The following SPATA31E1 variants were observed in gnomAD, a reference collection of about 807,000 sequenced individuals.
The protein encoded by SPATA31E1 is spermatogenesis-associated protein 31E1.
Under a neutral mutation model 12.9 loss-of-function variants are expected in SPATA31E1, and 7 were observed. The observed-to-expected ratio is 0.54, with a 90% CI of 0.31 to 1.02. The LOEUF (loss-of-function observed/expected upper bound fraction) is 1.02, where lower values mean the gene tolerates loss of function less well. SPATA31E1 is among the 50% of genes least tolerant of loss of function. The pLI is 0.05. For missense variants in SPATA31E1, 1,961 were observed against 1,799.8 expected (o/e 1.09, Z -1.62); for synonymous variants, 771 against 719.0 (o/e 1.07, Z -1.16).
intron 2 of SPATA31E1, among the ~76,000 whole-genome samples, 169 bp downstream of exon 2, chr9:87,884,215 G>C (rs1332794534): frequency 6.6e-6 from 1 of 152,212 alleles, no homozygotes; most frequent in Non-Finnish European, 1.5e-5. Flanking sequence ...GACCGGTATT[G>C]CCCATAAGGG....
chr9:87,887,117 C>T lies in SPATA31E1; in HGVS notation c.2630C>T (p.Pro877Leu), dbSNP rs1013375690. ...CCCTTCCCACAATCCACCTTTACCC[C>T]CTGGGCCTCCTGGGTATCTCGGGTT... is the stretch of plus-strand genomic sequence containing the variant. ...APPFPQSTFT[P>L]WASWVSRVES... The change falls in exon 4 of 4, where the codon CCC (proline) becomes CTC (leucine). Residue 877 changes from proline to leucine, a missense_variant. Physicochemically the swap from Pro to Leu is moderately conservative, Grantham distance 98. Transcript: ENST00000325643. 3 of 1,613,994 alleles carry T rather than the reference C, an allele frequency of 1.9e-6. No homozygotes were observed. The highest frequency in any genetic ancestry group is 4.5e-5 in the East Asian group (2 of 44,880).
intron 2 of SPATA31E1, 74 bp downstream of exon 2, chr9:87,884,120 G>A (rs542298027): frequency 6.6e-7 from 1 of 1,513,324 alleles, no homozygotes; most frequent in East Asian, 2.5e-5. Context: ...GTCATTTGCA[G>A]AGGCCTGAGA....
chr9:87,883,846 G>T (rs1242362310), intron 1 of SPATA31E1, 146 bp from the exon 2 acceptor site: 2 of 855,474 alleles, frequency 2.3e-6, no homozygotes, highest in East Asian at 2.7e-5. Context: ...TTTCATTCAC[G>T]GTAAACATGA....
rs148410424 is a variant in SPATA31E1, at chr9:87,886,792, C to G, written c.2305C>G (p.Leu769Val). 445 of 1,614,118 alleles carry G rather than the reference C, an allele frequency of 2.8e-4. 3 individuals carry two copies. In the African/African-American group the frequency reaches 5.3e-3, roughly 19 times the overall value. The change falls in exon 4 of 4, where the codon CTG (leucine) becomes GTG (valine). Residue 769 changes from leucine to valine, a missense_variant. By Grantham distance (32) the Leu-to-Val change is conservative. Coordinates refer to ENST00000325643, the MANE Select transcript of SPATA31E1 (RefSeq NM_178828.5). ...TCTGGAAAACAAGCTGCAAATCCAT[C>G]TGGCCAGGAAGGTAGGGGAGATCAA... Reference protein sequence around the residue: ...EHLENKLQIHLARKVGEIKEG... With the variant: ...EHLENKLQIHVARKVGEIKEG...
Position 87,888,037 on chromosome 9 carries a change from G to C in SPATA31E1, c.3550G>C (p.Gly1184Arg), listed in dbSNP as rs571025361. 3 of 1,610,036 alleles carry C rather than the reference G, an allele frequency of 1.9e-6. No homozygotes were observed. The highest frequency in any genetic ancestry group is 2.2e-5 in the East Asian group (1 of 44,708). Reference sequence around the variant, plus strand: ...GGACAGTCCAGGGCAGCAGGAGCCTGGGAGCCCAAAAGCAAAGGCCCCACA... The same window carrying C: ...GGACAGTCCAGGGCAGCAGGAGCCTCGGAGCCCAAAAGCAAAGGCCCCACA... The part of the protein sequence containing the change: ...GGDSPGQQEP[G>R]SPKAKAPQKS... The change falls in exon 4 of 4, where the codon GGG (glycine) becomes CGG (arginine). Residue 1184 changes from glycine (G) to arginine (R), a missense_variant. By Grantham distance (125) the Gly-to-Arg change is moderately radical. Coordinates refer to ENST00000325643, the MANE Select transcript of SPATA31E1 (RefSeq NM_178828.5).
At position 87,884,651 on chromosome 9, in the gene SPATA31E1, G is replaced by A; in HGVS notation, c.425G>A (p.Ser142Asn). ...ETRDLNYLLE[S>N]HLRKLAGEGS... ...CGGGACCTGAACTACCTTCTGGAAA[G>A]GTGAGGAGCTTCCCCCTTCTGTCCC... The change falls in exon 3 of 4, where the codon AGC (serine) becomes AAC (asparagine). Residue 142 changes from serine to asparagine, a missense_variant and splice_region_variant. Transcript: ENST00000325643. 4 of 1,614,184 alleles carry A rather than the reference G, an allele frequency of 2.5e-6. No individual in the cohort carries two copies. The highest frequency in any genetic ancestry group is 1.3e-5 in the African/African-American group (1 of 75,058).
In SPATA31E1 at chr9:87,885,804, T is replaced by G. The variant is rs1244002988; in HGVS notation, c.1317T>G (p.Leu439=). The G allele has an allele frequency of 6.2e-7, 1 of 1,613,766 alleles. No individual in the cohort carries two copies. The highest frequency in any genetic ancestry group is 8.5e-7 in the Non-Finnish European group (1 of 1,180,016). Residue 439 remains leucine (L), a synonymous_variant, in exon 4 of 4, where the codon CTT becomes CTG. Transcript: ENST00000325643. ...ACTTACAGCAGAAACGCAGCCAGCT[T>G]TTCTGGGACCTCCCCTCTCTCAATA... ...GNHLQQKRSQ[L]FWDLPSLNSE... is the part of the protein sequence containing the mutation.
chr9:87,888,109 A>T lies in SPATA31E1; in HGVS notation c.3622A>T (p.Arg1208Trp). The T allele has an allele frequency of 6.2e-7, 1 of 1,604,458 alleles. No homozygotes were observed. Among genetic ancestry groups the T allele is most frequent in the East Asian group, 2.3e-5 (1 of 44,414 alleles). The change falls in exon 4 of 4, where the codon AGG (arginine) becomes TGG (tryptophan). Residue 1208 changes from arginine to tryptophan, a missense_variant. Arg to Trp is a moderately radical substitution (Grantham distance 101, BLOSUM62 -3). Coordinates refer to ENST00000325643, the MANE Select transcript of SPATA31E1 (RefSeq NM_178828.5). Reference sequence around the variant, plus strand: ...CTGTGCGGACAAGGGCGAGGCCCACAGGAGGCCCAGAACAGGGGAGCAGGG... The same window carrying T: ...CTGTGCGGACAAGGGCGAGGCCCACTGGAGGCCCAGAACAGGGGAGCAGGG... The part of the protein sequence containing the change: ...LGCADKGEAH[R>W]RPRTGEQGHR...
chr9:87,885,169 T>TG lies in SPATA31E1; in HGVS notation c.682_683insG (p.Leu228CysfsTer133), dbSNP rs1388355218. The TG allele has an allele frequency of 6.2e-7, 1 of 1,613,964 alleles. No individual in the cohort carries two copies. Among genetic ancestry groups the TG allele is most frequent in the African/African-American group, 1.3e-5 (1 of 74,898 alleles). ...GAGTGCCTCCGGGCCACCAGAGCCCTTGCTTCCCCTAAAATGCCCTGCAAC... is the reference window on the plus strand; with the variant it reads ...GAGTGCCTCCGGGCCACCAGAGCCCTGTGCTTCCCCTAAAATGCCCTGCAAC... On this transcript the variant is annotated frameshift_variant, in exon 4 of 4. Coordinates refer to ENST00000325643, the MANE Select transcript of SPATA31E1 (RefSeq NM_178828.5). LOFTEE classifies it low-confidence loss of function (END_TRUNC).
chr9:87,883,128 C>T lies in SPATA31E1; in HGVS notation c.237C>T (p.Leu79=). The change falls in exon 1 of 4, where the codon CTC becomes CTT. Residue 79 remains leucine (L), a synonymous_variant. Transcript: ENST00000325643. Reference sequence around the variant, plus strand: ...CCAGTGTGTGTGGCCTAGTGCTCCTCTTCCTATTGCTCCTCTACGTCCACA... The same window carrying T: ...CCAGTGTGTGTGGCCTAGTGCTCCTTTTCCTATTGCTCCTCTACGTCCACA... The part of the protein sequence containing the change: ...ILTSVCGLVL[L]FLLLLYVHSD... 6.2e-7 allele frequency: 1 copy of T among 1,601,028 alleles called. No individual in the cohort carries two copies. Among genetic ancestry groups the T allele is most frequent in the Non-Finnish European group, 8.5e-7 (1 of 1,173,306 alleles).
In SPATA31E1 at chr9:87,883,717, C is replaced by T. The variant is rs147282303; in HGVS notation, c.310-275C>T. Among the ~76,000 whole-genome samples, 23 of 152,328 alleles carry T rather than the reference C, an allele frequency of 1.5e-4. No homozygotes were observed. In the East Asian group the frequency reaches 1.5e-3, roughly 10 times the overall value. On this transcript the variant is annotated intron_variant, in intron 1 of 3. Coordinates refer to ENST00000325643, the MANE Select transcript of SPATA31E1 (RefSeq NM_178828.5). ...CAGAATCCTACTGGCAGCTCAGAGG[C>T]GCCTGTGGGCCTGAGCCTAGGTGTT...
chr9:87,883,915 C>A, intron 1 of SPATA31E1, 77 bp from the exon 2 acceptor site: 1 of 1,507,674 alleles, frequency 6.6e-7, no homozygotes, highest in Non-Finnish European at 9.0e-7. Flanking sequence ...CCCTCATGAG[C>A]ACTGCGTGTG....
At chr9:87,883,866 A>G in intron 1 of SPATA31E1, 126 bp from the exon 2 acceptor site, 1 of 1,013,456 alleles carries the variant, frequency 9.9e-7, no homozygotes, top group Non-Finnish European at 1.4e-6. Flanking sequence ...AGTAAAAAGC[A>G]CACACAGAGC....
rs1452565927 is a variant in SPATA31E1 at position 87,885,144 on chromosome 9, G to A, written c.657G>A (p.Leu219=). Residue 219 remains leucine, a synonymous_variant, in exon 4 of 4, where the codon CTG becomes CTA. Transcript: ENST00000325643. ...AGCCTTTTGGACCACACTCAACCCTGAGTGCCTCCGGGCCACCAGAGCCCT... is the reference window on the plus strand; with the variant it reads ...AGCCTTTTGGACCACACTCAACCCTAAGTGCCTCCGGGCCACCAGAGCCCT... ...FSEPFGPHST[L]SASGPPEPLL... The A allele has an allele frequency of 7.4e-6, 12 of 1,614,098 alleles. No individual in the cohort carries two copies. The highest frequency in any genetic ancestry group is 8.5e-6 in the Non-Finnish European group (10 of 1,179,996).
At position 87,888,077 on chromosome 9, in the gene SPATA31E1, C is replaced by T. The variant is rs35095477; in HGVS notation, c.3590C>T (p.Thr1197Met). The T allele has an allele frequency of 0.016, 26,253 of 1,602,086 alleles. 275 individuals carry two copies. The highest frequency in any genetic ancestry group is 0.019 in the Non-Finnish European group (22,510 of 1,174,260). The stretch of plus-strand genomic sequence containing the variant: ...AAGGCCCCACAGAAGAGTCAGAAGA[C>T]GCTGGGCTGTGCGGACAAGGGCGAG... Reference protein sequence around the residue: ...KAKAPQKSQKTLGCADKGEAH... With the variant: ...KAKAPQKSQKMLGCADKGEAH... Residue 1197 changes from threonine (T) to methionine (M), a missense_variant, in exon 4 of 4, where the codon ACG becomes ATG. Thr to Met is a moderately conservative substitution (Grantham distance 81). Transcript: ENST00000325643.
At position 87,885,564 on chromosome 9, in the gene SPATA31E1, T is replaced by G; in HGVS notation, c.1077T>G (p.Pro359=). The G allele has an allele frequency of 6.2e-7, 1 of 1,614,108 alleles. No individual in the cohort carries two copies. The highest frequency in any genetic ancestry group is 8.5e-7 in the Non-Finnish European group (1 of 1,180,034). ...TAGGTGGCTGCACATTCATCCACCC[T>G]GACGTGCAGAAGCTGCTGGAGACCC... ...MEVGGCTFIH[P]DVQKLLETLI... Residue 359 remains proline (P), a synonymous_variant, in exon 4 of 4, where the codon CCT becomes CCG. Transcript: ENST00000325643.
In SPATA31E1 at chr9:87,884,624, C is replaced by A; in HGVS notation, c.398C>A (p.Thr133Asn). ...ATCCTCCTGAGGGAGCTGGAGGAGA[C>A]TCGGGACCTGAACTACCTTCTGGAA... Reference protein sequence around the residue: ...CRILLRELEETRDLNYLLESH... With the variant: ...CRILLRELEENRDLNYLLESH... Residue 133 changes from threonine (T) to asparagine (N), a missense_variant, in exon 3 of 4, where the codon ACT (threonine) becomes AAT (asparagine). Transcript: ENST00000325643. 1 of 1,614,128 alleles carries A rather than the reference C, an allele frequency of 6.2e-7. No homozygotes were observed. The highest frequency in any genetic ancestry group is 8.5e-7 in the Non-Finnish European group (1 of 1,180,000).
rs1422291898 is a variant in SPATA31E1, at chr9:87,887,604, G to T, written c.3117G>T (p.Gly1039=). 1 of 1,614,158 alleles carries T rather than the reference G, an allele frequency of 6.2e-7. No individual in the cohort carries two copies. The highest frequency in any genetic ancestry group is 1.1e-5 in the South Asian group (1 of 91,088). The change falls in exon 4 of 4, where the codon GGG becomes GGT. Residue 1039 remains glycine, a synonymous_variant. Transcript: ENST00000325643. ...ATGCCCTGCAGGCACTGAAAGTGGG[G>T]GAGAAGCCCCCAACTTGGGAAGTCA... ...AEDALQALKV[G]EKPPTWEVTL...
Position 87,886,640 on chromosome 9 carries a change from G to A in SPATA31E1, c.2153G>A (p.Arg718Gln), listed in dbSNP as rs753245970. 9 of 1,613,872 alleles carry A rather than the reference G, an allele frequency of 5.6e-6. No homozygotes were observed. Among genetic ancestry groups the A allele is most frequent in the East Asian group, 2.2e-5 (1 of 44,892 alleles). Residue 718 changes from arginine (R) to glutamine (Q), a missense_variant, in exon 4 of 4, where the codon CGG (arginine) becomes CAG (glutamine). By Grantham distance (43) the Arg-to-Gln change is conservative (BLOSUM62 1). Transcript: ENST00000325643. ...TCCAAACTAGGGCCGGACCCAAGCCGGGATCAAGGCTCAGGAAGGACCTCA... is the reference window on the plus strand; with the variant it reads ...TCCAAACTAGGGCCGGACCCAAGCCAGGATCAAGGCTCAGGAAGGACCTCA... ...LGSKLGPDPSRDQGSGRTSVK... is the reference protein window; with the variant it reads ...LGSKLGPDPSQDQGSGRTSVK...
Sources: allele counts gnomAD v4.1 joint callset (sites outside exome capture counted in the v4.1 genomes callset), GRCh38; gene constraint gnomAD v4.1.1; transcripts MANE v1.5; gene names NCBI Gene and HGNC (gene_info 2026-07-23, HGNC 2026-07-21).